Variants in DPP6 observed in about 807,000 individuals in gnomAD.
DPP6 encodes the protein A-type potassium channel modulatory protein DPP6.
In DPP6, 69 loss-of-function variants were observed where a neutral mutation model predicts 122.6. The observed-to-expected ratio is 0.56, with a 90% CI of 0.46 to 0.69. DPP6 has a LOEUF of 0.69. Among genes scored for constraint, DPP6 ranks in the 30% least tolerant of loss-of-function variants. The probability of loss-of-function intolerance (pLI) is 0.00; values close to 1 mark genes in which losing one functional copy is unlikely to be tolerated. For synonymous variants in DPP6, 418 were observed against 433.1 expected (o/e 0.97, Z 0.43); for missense variants, 928 against 1,116.9 (o/e 0.83, Z 2.41).
intron 4 of DPP6, among the ~76,000 whole-genome samples, chr7:154,550,126 C>T (rs943678187): frequency 5.3e-5 from 8 of 151,586 alleles, no homozygotes; most frequent in Non-Finnish European, 1.2e-4. Flanking sequence ...TTATATTTAC[C>T]TAATTTATTT....
At chr7:154,347,928 G>C (rs1214114523) in intron 1 of DPP6, among the ~76,000 whole-genome samples, 2 of 152,210 alleles carry the variant, frequency 1.3e-5, no homozygotes, top group Non-Finnish European at 2.9e-5. Flanking sequence ...TAAGCCCCTT[G>C]AGGCAAGTGG....
chr7:154,257,300 G>A (rs1802719980), intron 1 of DPP6, among the ~76,000 whole-genome samples: 1 of 151,890 alleles, frequency 6.6e-6, no homozygotes, highest in South Asian at 2.1e-4. Flanking sequence ...TTCTCGATTT[G>A]CTCTCCTCTC....
intron 1 of DPP6, among the ~76,000 whole-genome samples, chr7:154,165,607 G>A (rs1034450041): frequency 6.6e-6 from 1 of 151,610 alleles, no homozygotes. Context: ...GGTTGAACTA[G>A]TTTACAGTCC....
intron 7 of DPP6, among the ~76,000 whole-genome samples, chr7:154,697,351 C>T (rs951145682): frequency 6.6e-6 from 1 of 152,190 alleles, no homozygotes; most frequent in Non-Finnish European, 1.5e-5. Flanking sequence ...TCCTCCCCTG[C>T]GAGGCTCCTC....
chr7:153,882,209 T>C (rs914819321), upstream of DPP6, among the ~76,000 whole-genome samples: 1 of 152,256 alleles, frequency 6.6e-6, no homozygotes, highest in Non-Finnish European at 1.5e-5. Flanking sequence ...TTCTAGTAGA[T>C]ATCTTCCTGA....
At chr7:154,838,828 G>A (rs1214037137) in intron 16 of DPP6, 2 of 152,206 alleles carry the variant, frequency 1.3e-5, no homozygotes, top group Non-Finnish European at 2.9e-5. Context: ...TGGGTCCCTC[G>A]AGGAAAAGAG....
At chr7:153,789,897 T>A in the DPP6 span, among the ~76,000 whole-genome samples, 1 of 152,072 alleles carries the variant, frequency 6.6e-6, no homozygotes, top group African/African-American at 2.4e-5. Context: ...ATATATAATC[T>A]TCTTCAAAGG....
Position 154,429,275 on chromosome 7 carries a change from G to A in DPP6, c.244-16939G>A, listed in dbSNP as rs193022254. Among the ~76,000 whole-genome samples the A allele has an allele frequency of 1.4e-4, 21 of 152,126 alleles. No individual in the cohort carries two copies. In the East Asian group the frequency reaches 3.1e-3, roughly 22 times the overall value. On this transcript the variant is annotated intron_variant, in intron 1 of 25. Coordinates refer to ENST00000377770, the MANE Select transcript of DPP6 (RefSeq NM_130797.4). ...CAGCTGGTCAGTGGAATCCACGTGC[G>A]AGCACAGCAAGGCCTAACGAATTTG...
chr7:153,801,353 T>C, the DPP6 span, among the ~76,000 whole-genome samples: 2 of 151,446 alleles, frequency 1.3e-5, no homozygotes, highest in Admixed American at 6.6e-5. Context: ...AAATTCTATG[T>C]CAGGTCTCCT....
chr7:153,844,843 TAAAAA>T, the DPP6 span, among the ~76,000 whole-genome samples: 5 of 152,168 alleles, frequency 3.3e-5, no homozygotes, highest in African/African-American at 1.2e-4. Context: ...GAACTCTAAA[TAAAAA>T]TATAGGCTCT....
chr7:154,492,070 A>G (rs1454547527), intron 3 of DPP6, among the ~76,000 whole-genome samples: 4 of 152,234 alleles, frequency 2.6e-5, no homozygotes, highest in African/African-American at 7.2e-5. Context: ...ATATGATAAA[A>G]GTGCTGCTAG....
chr7:153,855,253 A>G, the DPP6 span, among the ~76,000 whole-genome samples: 3 of 146,998 alleles, frequency 2.0e-5, no homozygotes, highest in Non-Finnish European at 4.5e-5. Flanking sequence ...AAAAAGAAAT[A>G]ATAAAAATAA....
At chr7:154,823,642 G>A (rs1584803028) in intron 16 of DPP6, among the ~76,000 whole-genome samples, 1 of 152,314 alleles carries the variant, frequency 6.6e-6, no homozygotes, top group East Asian at 1.9e-4. Flanking sequence ...CGGTGAAGGT[G>A]GACATGCCAA....
chr7:154,720,745 G>A (rs560348325), intron 7 of DPP6, among the ~76,000 whole-genome samples: 16 of 152,380 alleles, frequency 1.1e-4, no homozygotes, highest in African/African-American at 3.1e-4. Context: ...ACAGGGCAAA[G>A]GCCATCCTGA....
intron 6 of DPP6, among the ~76,000 whole-genome samples, chr7:154,658,696 C>G (rs1417047411): frequency 1.3e-5 from 2 of 152,130 alleles, no homozygotes; most frequent in East Asian, 3.9e-4. Context: ...TCTGTCTGCC[C>G]CACACCTCCT....
intron 1 of DPP6, among the ~76,000 whole-genome samples, chr7:154,144,355 T>A (rs1469120935): frequency 6.6e-6 from 1 of 151,126 alleles, no homozygotes; most frequent in African/African-American, 2.4e-5. Context: ...AGCTTTAATT[T>A]GATTTATGGT....
chr7:154,705,921 T>G (rs1239801061), intron 7 of DPP6, among the ~76,000 whole-genome samples: 2 of 152,236 alleles, frequency 1.3e-5, no homozygotes. Context: ...AAGTGGCCAG[T>G]TTCCTGCGTA....
At chr7:154,738,723 G>T (rs573258197) in intron 8 of DPP6, among the ~76,000 whole-genome samples, 1 of 152,198 alleles carries the variant, frequency 6.6e-6, no homozygotes, top group African/African-American at 2.4e-5. Context: ...TAGAAATTTG[G>T]TTGAGAATTT....
the DPP6 span, among the ~76,000 whole-genome samples, chr7:153,784,329 C>T: frequency 1.9e-4 from 29 of 152,262 alleles, 1 homozygote; most frequent in South Asian, 6.0e-3. Context: ...AGATGGAGTT[C>T]TTGAATTCGG....
Sources: allele counts gnomAD v4.1 joint callset (sites outside exome capture counted in the v4.1 genomes callset), GRCh38; gene constraint gnomAD v4.1.1; transcripts MANE v1.5; gene names NCBI Gene and HGNC (gene_info 2026-07-23, HGNC 2026-07-21).